RXFP1: variants seen among roughly 807,000 people sequenced by gnomAD.
The protein encoded by RXFP1 is relaxin family peptide receptor 1, also known as relaxin receptor 1.
In RXFP1, 73 loss-of-function variants were observed where a neutral mutation model predicts 89.8. That is an observed-to-expected ratio of 0.81 (90% CI 0.67 to 0.99). RXFP1 has a LOEUF of 0.99. Among genes scored for constraint, RXFP1 ranks in the 50% least tolerant of loss-of-function variants. The probability of loss-of-function intolerance (pLI) is 0.00; values close to 1 mark genes in which losing one functional copy is unlikely to be tolerated. For missense variants in RXFP1, 793 were observed against 895.5 expected (o/e 0.89, Z 1.46); for synonymous variants, 277 against 305.5 (o/e 0.91, Z 0.97).
intron 6 of RXFP1, among the ~76,000 whole-genome samples, chr4:158,609,011 C>T (rs1763057106): frequency 1.3e-5 from 2 of 151,960 alleles, no homozygotes; most frequent in Admixed American, 1.3e-4. Flanking sequence ...ATTTATGTAC[C>T]ACATTTTGTT....
At chr4:158,572,646 C>A in intron 1 of RXFP1, 52 bp from the exon 2 acceptor site, 1 of 1,528,588 alleles carries the variant, frequency 6.5e-7, no homozygotes, top group Non-Finnish European at 9.1e-7. Context: ...CTCTTTGCCA[C>A]GCCTTTGTAT....
At chr4:158,605,981 T>A (rs1762477977) in intron 5 of RXFP1, among the ~76,000 whole-genome samples, 1 of 152,200 alleles carries the variant, frequency 6.6e-6, no homozygotes, top group South Asian at 2.1e-4. Flanking sequence ...TTAACCCACT[T>A]CCTTCAGTGA....
intron 1 of RXFP1, among the ~76,000 whole-genome samples, chr4:158,540,500 G>A (rs1198621385): frequency 1.3e-5 from 2 of 151,642 alleles, no homozygotes; most frequent in African/African-American, 4.8e-5. Flanking sequence ...GGAAGGTTTT[G>A]GCTGGCTTCT....
chr4:158,649,888 GA>G (rs912493510), intron 17 of RXFP1, among the ~76,000 whole-genome samples: 1 of 152,108 alleles, frequency 6.6e-6, no homozygotes. Flanking sequence ...TCCTTCTAAG[GA>G]AAAAACCAAA....
At chr4:158,648,294 C>T (rs1332138251) in intron 16 of RXFP1, among the ~76,000 whole-genome samples, 1 of 152,192 alleles carries the variant, frequency 6.6e-6, no homozygotes, top group Non-Finnish European at 1.5e-5. Context: ...TTCTTCACTA[C>T]TTCCACAAAA....
intron 16 of RXFP1, among the ~76,000 whole-genome samples, chr4:158,648,004 G>T (rs1478030860): frequency 1.9e-5 from 2 of 105,136 alleles, no homozygotes; most frequent in Admixed American, 2.4e-4. Flanking sequence ...AACACAGCGA[G>T]ACTCCATCTC....
At chr4:158,527,678 A>G (rs1388751551) in intron 1 of RXFP1, among the ~76,000 whole-genome samples, 1 of 151,028 alleles carries the variant, frequency 6.6e-6, no homozygotes, top group Non-Finnish European at 1.5e-5. Flanking sequence ...CCACAGTCTG[A>G]TCCTCAAGTA....
At chr4:158,607,078 T>A in intron 5 of RXFP1, 3 of 1,536,036 alleles carry the variant, frequency 2.0e-6, no homozygotes, top group Non-Finnish European at 2.6e-6. Flanking sequence ...TGACCTGCAC[T>A]CAGAACATGA....
At chr4:158,555,674 T>TATCCACTGATATCC (rs1217982530) in intron 1 of RXFP1, among the ~76,000 whole-genome samples, 2 of 152,186 alleles carry the variant, frequency 1.3e-5, no homozygotes, top group African/African-American at 4.8e-5. Flanking sequence ...ATCCACTCAA[T>TATCCACTGATATCC]ACTTGTGTCT....
chr4:158,529,886 C>T (rs1743597685), intron 1 of RXFP1, among the ~76,000 whole-genome samples: 1 of 152,216 alleles, frequency 6.6e-6, no homozygotes. Context: ...ATAAATACTT[C>T]CTCCTCATTA....
At chr4:158,540,858 A>C (rs1291714421) in intron 1 of RXFP1, among the ~76,000 whole-genome samples, 1 of 152,130 alleles carries the variant, frequency 6.6e-6, no homozygotes, top group Admixed American at 6.5e-5. Context: ...TGGCAATTCC[A>C]AAAAAAGGCA....
intron 1 of RXFP1, among the ~76,000 whole-genome samples, chr4:158,522,411 T>C (rs1741408215): frequency 6.6e-6 from 1 of 152,222 alleles, no homozygotes; most frequent in Admixed American, 6.5e-5. Context: ...GTTGTAATGC[T>C]CTGTCGCCCT....
In RXFP1 at chr4:158,652,206, T is replaced by C. The variant is rs1222986475; in HGVS notation, c.*151T>C. On this transcript the variant is annotated 3_prime_UTR_variant, in exon 18 of 18. Coordinates refer to ENST00000307765, the MANE Select transcript of RXFP1 (RefSeq NM_021634.4). ...CATGAGGAAAAATAAAAATGACTAATGCTCTTACAAAGGGAAGTAATTATA... is the reference window on the plus strand; with the variant it reads ...CATGAGGAAAAATAAAAATGACTAACGCTCTTACAAAGGGAAGTAATTATA... The C allele has an allele frequency of 8.2e-6, 5 of 612,424 alleles. No homozygotes were observed. The highest frequency in any genetic ancestry group is 1.9e-5 in the African/African-American group (1 of 53,978). The allele number at this position is 612,424 out of a possible 1,614,324, so 37.9% of individuals were successfully genotyped here.
chr4:158,529,109 G>A (rs1252619608), intron 1 of RXFP1, among the ~76,000 whole-genome samples: 1 of 152,156 alleles, frequency 6.6e-6, no homozygotes, highest in Non-Finnish European at 1.5e-5. Context: ...CACTCACAGA[G>A]CAACACAGAG....
intron 1 of RXFP1, among the ~76,000 whole-genome samples, chr4:158,545,732 T>A (rs1404853964): frequency 6.6e-6 from 1 of 152,236 alleles, no homozygotes; most frequent in African/African-American, 2.4e-5. Context: ...CTTGTTTTTG[T>A]CAGGTTTGTC....
At chr4:158,638,231 A>G (rs1213505930) in intron 13 of RXFP1, 152 bp downstream of exon 13, 16 of 519,114 alleles carry the variant, frequency 3.1e-5, no homozygotes, top group Non-Finnish European at 1.0e-5. Context: ...GCTGAACTAT[A>G]AACAGACAAC....
Position 158,541,174 on chromosome 4 carries a change from A to G in RXFP1, c.49+19149A>G, listed in dbSNP as rs1746514484. On this transcript the variant is annotated intron_variant, in intron 1 of 17. Coordinates refer to ENST00000307765, the MANE Select transcript of RXFP1 (RefSeq NM_021634.4). ...CATCATGTCCAGAAAAACCTTGTCA[A>G]ACTCTCAAAGTCTCTAAATGCCTTT... Among the ~76,000 whole-genome samples the G allele has an allele frequency of 2.0e-5, 3 of 152,264 alleles. No homozygotes were observed. In the South Asian group the frequency reaches 6.2e-4, roughly 32 times the overall value.
chr4:158,541,115 T>C (rs1008718462), intron 1 of RXFP1, among the ~76,000 whole-genome samples: 2 of 152,132 alleles, frequency 1.3e-5, no homozygotes, highest in African/African-American at 4.8e-5. Context: ...ATGCTTTTTG[T>C]TATTTTCCCA....
At chr4:158,606,225 A>C in intron 5 of RXFP1, among the ~76,000 whole-genome samples, 1 of 152,230 alleles carries the variant, frequency 6.6e-6, no homozygotes, top group Admixed American at 6.5e-5. Flanking sequence ...ACTTATTTAA[A>C]GGAGCTAGAC....
Sources: gnomAD v4.1 joint callset for allele counts (sites outside exome capture counted in the v4.1 genomes callset) on GRCh38, gnomAD v4.1.1 for gene constraint, MANE v1.5 for transcripts, NCBI Gene and HGNC (gene_info 2026-07-23, HGNC 2026-07-21) for gene names.